The following MIPOL1 variants were observed in gnomAD, a reference collection of about 807,000 sequenced individuals.
MIPOL1 encodes the protein mirror-image polydactyly gene 1 protein.
Under a neutral mutation model 60.9 loss-of-function variants are expected in MIPOL1, and 57 were observed. The ratio of observed to expected loss-of-function variants is 0.94; its 90% CI spans 0.76 to 1.17. The LOEUF (loss-of-function observed/expected upper bound fraction) is 1.17, where lower values mean the gene tolerates loss of function less well. MIPOL1 is among the 50% of genes most tolerant of loss of function. The pLI is 0.00. For missense variants in MIPOL1, 551 were observed against 511.6 expected (o/e 1.08, Z -0.74); for synonymous variants, 179 against 168.8 (o/e 1.06, Z -0.47).
intron 11 of MIPOL1, among the ~76,000 whole-genome samples, chr14:37,471,946 T>C (rs1179444550): frequency 2.0e-5 from 3 of 152,194 alleles, no homozygotes; most frequent in Admixed American, 1.3e-4. Context: ...TAGTAGTCAC[T>C]CATTTATAGG....
rs77495406 is a variant in MIPOL1 at position 37,237,930 on chromosome 14, T to A, written c.-198-9173T>A. Reference sequence around the variant, plus strand: ...TTGTTTTGGTATGTGAACATTTCCCTTTCTTCGTTTTGAGCTTGTTTTTTT... The same window carrying A: ...TTGTTTTGGTATGTGAACATTTCCCATTCTTCGTTTTGAGCTTGTTTTTTT... On this transcript the variant is annotated intron_variant, in intron 1 of 12. Coordinates refer to ENST00000684589, the MANE Select transcript of MIPOL1 (RefSeq NM_001388067.1). 5.5e-3 allele frequency among the ~76,000 whole-genome samples: 842 copies of A among 152,272 alleles called. 9 individuals carry two copies. Among genetic ancestry groups the A allele is most frequent in the African/African-American group, 0.02 (819 of 41,544 alleles).
chr14:37,372,276 G>T (rs575743615), intron 10 of MIPOL1, among the ~76,000 whole-genome samples: 1 of 152,010 alleles, frequency 6.6e-6, no homozygotes, highest in South Asian at 2.1e-4. Context: ...AATAATTATG[G>T]CAAAATCAGT....
intron 12 of MIPOL1, among the ~76,000 whole-genome samples, chr14:37,525,993 G>A (rs1349638709): frequency 2.6e-5 from 4 of 152,010 alleles, no homozygotes; most frequent in Non-Finnish European, 5.9e-5. Flanking sequence ...GAGAATCAAT[G>A]GGAAAAAGTA....
At chr14:37,215,390 A>T (rs1219177586) in intron 1 of MIPOL1, among the ~76,000 whole-genome samples, 1 of 150,686 alleles carries the variant, frequency 6.6e-6, no homozygotes, top group East Asian at 2.0e-4. Flanking sequence ...TTTTTCTACA[A>T]TCTTTTGTCT....
Position 37,454,401 on chromosome 14 carries a change from A to G in MIPOL1, c.1031+31452A>G, listed in dbSNP as rs72674215. On this transcript the variant is annotated intron_variant, in intron 11 of 12. Coordinates refer to ENST00000684589, the MANE Select transcript of MIPOL1 (RefSeq NM_001388067.1). ...AGTGATAGTGTTAGCTAACACTTAC[A>G]TAGACCTTATTTTTGGCAGTCCTTT... Among the ~76,000 whole-genome samples the G allele has an allele frequency of 8.6e-3, 1,316 of 152,360 alleles. 9 individuals carry two copies. The highest frequency in any genetic ancestry group is 0.017 in the South Asian group (82 of 4,830).
intron 12 of MIPOL1, among the ~76,000 whole-genome samples, chr14:37,520,439 A>T (rs1189128062): frequency 6.6e-6 from 1 of 152,190 alleles, no homozygotes. Context: ...AAGCCATCTT[A>T]ATAAGATACC....
chr14:37,217,171 C>T (rs533267939), intron 1 of MIPOL1, among the ~76,000 whole-genome samples: 7 of 152,042 alleles, frequency 4.6e-5, no homozygotes, highest in Non-Finnish European at 1.0e-4. Context: ...TTTTGAGATA[C>T]CTACAACCTA....
At chr14:37,433,856 C>T (rs2094118618) in intron 11 of MIPOL1, among the ~76,000 whole-genome samples, 1 of 151,946 alleles carries the variant, frequency 6.6e-6, no homozygotes, top group Non-Finnish European at 1.5e-5. Flanking sequence ...GCACCCGACC[C>T]TGAACTCACT....
At chr14:37,508,004 T>C (rs991777861) in intron 12 of MIPOL1, among the ~76,000 whole-genome samples, 6 of 152,192 alleles carry the variant, frequency 3.9e-5, no homozygotes, top group African/African-American at 1.4e-4. Context: ...TATTTCATAT[T>C]TAATTGCCAT....
At chr14:37,365,149 G>A (rs1365446405) in intron 9 of MIPOL1, among the ~76,000 whole-genome samples, 2 of 152,152 alleles carry the variant, frequency 1.3e-5, no homozygotes, top group African/African-American at 4.8e-5. Flanking sequence ...CATATCATCT[G>A]CAAACAAGGA....
intron 11 of MIPOL1, among the ~76,000 whole-genome samples, chr14:37,443,585 G>A (rs1398535883): frequency 1.3e-5 from 2 of 148,446 alleles, no homozygotes; most frequent in African/African-American, 5.0e-5. Flanking sequence ...AACCATATAA[G>A]AAAGACATAA....
intron 11 of MIPOL1, among the ~76,000 whole-genome samples, chr14:37,493,457 A>G (rs1017381018): frequency 6.6e-6 from 1 of 152,014 alleles, no homozygotes; most frequent in Non-Finnish European, 1.5e-5. Flanking sequence ...CAAGACAGAA[A>G]CCACTTCAGA....
intron 10 of MIPOL1, among the ~76,000 whole-genome samples, chr14:37,388,485 TG>T (rs2153517292): frequency 6.7e-6 from 1 of 149,082 alleles, no homozygotes; most frequent in South Asian, 2.1e-4. Context: ...GTTTTTTTTG[TG>T]TTTTTTTTTT....
intron 12 of MIPOL1, chr14:37,501,632 A>G (rs536299779): frequency 1.3e-5 from 2 of 152,342 alleles, no homozygotes; most frequent in East Asian, 3.9e-4. Flanking sequence ...TGAATGGCCA[A>G]GATAACCAAA....
intron 12 of MIPOL1, among the ~76,000 whole-genome samples, chr14:37,529,705 A>G (rs1407325788): frequency 6.6e-6 from 1 of 152,188 alleles, no homozygotes; most frequent in African/African-American, 2.4e-5. Flanking sequence ...ATGAATTAGC[A>G]TAGGGGAAAG....
intron 11 of MIPOL1, among the ~76,000 whole-genome samples, chr14:37,436,059 T>C (rs1298973839): frequency 6.6e-6 from 1 of 152,220 alleles, no homozygotes; most frequent in Admixed American, 6.5e-5. Context: ...ATAAATGATA[T>C]CTTCACTTGC....
At chr14:37,458,922 A>T (rs1420966010) in intron 11 of MIPOL1, among the ~76,000 whole-genome samples, 2 of 152,020 alleles carry the variant, frequency 1.3e-5, no homozygotes, top group Non-Finnish European at 2.9e-5. Flanking sequence ...TGATCCTTGG[A>T]TAAATGACAA....
rs185929300 is a variant in MIPOL1, at chr14:37,499,855, A to G, written c.1032-53A>G. On this transcript the variant is annotated intron_variant, in intron 11 of 12. Coordinates refer to ENST00000684589, the MANE Select transcript of MIPOL1 (RefSeq NM_001388067.1). ...TGGAGGTTTTTGTTAAATAGATCAT[A>G]GATCACTCAGTTTACATTACTTATC... 3 of 907,446 alleles carry G rather than the reference A, an allele frequency of 3.3e-6. No individual in the cohort carries two copies. The Admixed American group carries it at 8.1e-5, about 24-fold the overall frequency. The allele number at this position is 907,446 out of a possible 1,614,324, so 56.2% of individuals were successfully genotyped here.
chr14:37,420,616 A>C (rs2093855186), intron 10 of MIPOL1, among the ~76,000 whole-genome samples: 2 of 152,142 alleles, frequency 1.3e-5, no homozygotes, highest in African/African-American at 4.8e-5. Context: ...CAGATACCCA[A>C]CTCAGACTAG....
Sources: gnomAD v4.1 joint callset for allele counts (sites outside exome capture counted in the v4.1 genomes callset) on GRCh38, gnomAD v4.1.1 for gene constraint, MANE v1.5 for transcripts, NCBI Gene and HGNC (gene_info 2026-07-23, HGNC 2026-07-21) for gene names.